The following CYP26B1 variants were observed in gnomAD, a reference collection of about 807,000 sequenced individuals.
CYP26B1 encodes cytochrome P450 26B1.
A neutral mutation model predicts 39.1 loss-of-function variants in CYP26B1; 8 were observed. The observed-to-expected ratio is 0.20, with a 90% CI of 0.12 to 0.37. CYP26B1 has a LOEUF of 0.37. CYP26B1 is among the 10% of genes least tolerant of loss of function. CYP26B1 has a pLI of 1.00. For missense variants in CYP26B1, 615 were observed against 707.0 expected, an observed-to-expected ratio of 0.87 and a Z score of 1.48; for synonymous variants, 321 against 314.3, an observed-to-expected ratio of 1.02 and a Z score of -0.23.
In CYP26B1 at chr2:72,147,353, C is replaced by T. The variant is rs1677150197; in HGVS notation, c.204+278G>A. On this transcript the variant is annotated intron_variant, in intron 1 of 5. Coordinates refer to ENST00000001146, the MANE Select transcript of CYP26B1 (RefSeq NM_019885.4). This position sits in a 1 kb window ranked among gnomAD's most constrained non-coding sequence, Gnocchi z 6.1. Reference sequence around the variant, plus strand: ...GGGGCGCTCCACGCCCCCTGCCAGGCCAGCCGCGACCCAGGCAAGTCCATC... The same window carrying T: ...GGGGCGCTCCACGCCCCCTGCCAGGTCAGCCGCGACCCAGGCAAGTCCATC... 1.3e-5 allele frequency among the ~76,000 whole-genome samples: 2 copies of T among 152,220 alleles called. No homozygotes were observed. The highest frequency in any genetic ancestry group is 2.9e-5 in the Non-Finnish European group (2 of 68,022).
In CYP26B1 at chr2:72,147,198, A is replaced by G. The variant is rs903311892; in HGVS notation, c.204+433T>C. Among the ~76,000 whole-genome samples, 2 of 151,836 alleles carry G rather than the reference A, an allele frequency of 1.3e-5. No homozygotes were observed. The highest frequency in any genetic ancestry group is 2.9e-5 in the Non-Finnish European group (2 of 67,942). On this transcript the variant is annotated intron_variant, in intron 1 of 5. Transcript: ENST00000001146. This position sits in a 1 kb window ranked among gnomAD's most constrained non-coding sequence, Gnocchi z 6.1. ...ACCAGCCCCCTCCTCTCCCGACTCA[A>G]TTTTCGGCTCCCAGCGACACAGCCA...
At position 72,134,796 on chromosome 2, in the gene CYP26B1, C is replaced by T. The variant is rs761872556; in HGVS notation, c.826G>A (p.Glu276Lys). 9 of 1,614,156 alleles carry T rather than the reference C, an allele frequency of 5.6e-6. No individual in the cohort carries two copies. Among genetic ancestry groups the T allele is most frequent in the East Asian group, 4.5e-5 (2 of 44,880 alleles). ...TGCATGGTCATCTCCTTCCCGTGCT[C>T]CTTGCTGCTCTCAATGAGGAGGTCC... ...ALDLLIESSKEHGKEMTMQEL... is the reference protein window; with the variant it reads ...ALDLLIESSKKHGKEMTMQEL... Residue 276 changes from glutamate (E) to lysine (K), a missense_variant, in exon 4 of 6, where the codon GAG becomes AAG. Coordinates refer to ENST00000001146, the MANE Select transcript of CYP26B1 (RefSeq NM_019885.4).
chr2:72,139,629 G>A (rs535153813), intron 2 of CYP26B1, among the ~76,000 whole-genome samples: 1 of 152,256 alleles, frequency 6.6e-6, no homozygotes, highest in Non-Finnish European at 1.5e-5. Context: ...AGGTGGGCAA[G>A]ACAGGGAGGG....
intron 2 of CYP26B1, among the ~76,000 whole-genome samples, chr2:72,138,258 G>C (rs536629665): frequency 6.6e-6 from 1 of 152,184 alleles, no homozygotes; most frequent in Non-Finnish European, 1.5e-5. Context: ...CTGTGCCCGG[G>C]GGGTAACAAC....
rs796787049 is a variant in CYP26B1, at chr2:72,144,197, G to A, written c.221C>T (p.Ser74Leu). The A allele has an allele frequency of 8.8e-6, 14 of 1,595,030 alleles. No homozygotes were observed. The highest frequency in any genetic ancestry group is 6.7e-5 in the African/African-American group (5 of 74,768). ...GTTGCCATACTTCTCCCTCCGCGAC[G>A]ACTGGAAGCCAGAACCCTGCGGGAG... ...HWLLQGSGFQSSRREKYGNVF... is the reference protein window; with the variant it reads ...HWLLQGSGFQLSRREKYGNVF... Residue 74 changes from serine to leucine, a missense_variant, in exon 2 of 6, where the codon TCG becomes TTG. Ser to Leu is a moderately radical substitution (Grantham distance 145, BLOSUM62 -2). Transcript: ENST00000001146.
rs1312882767 is a variant in CYP26B1, at chr2:72,129,548, A to G, written c.*2679T>C. 1 of 152,566 alleles carries G rather than the reference A, an allele frequency of 6.6e-6. No individual in the cohort carries two copies. The highest frequency in any genetic ancestry group is 1.5e-5 in the Non-Finnish European group (1 of 68,044). 9.5% of individuals were successfully genotyped at this position (152,566 alleles called of 1,614,324 possible). On this transcript the variant is annotated 3_prime_UTR_variant, in exon 6 of 6. Coordinates refer to ENST00000001146, the MANE Select transcript of CYP26B1 (RefSeq NM_019885.4). ...AGCAAAAACTTTATACTAAATATCT[A>G]TTTTGAATTATAACAAAAATAGTAC...
rs117989515 is a variant in CYP26B1 at position 72,138,200 on chromosome 2, T to C, written c.430-2781A>G. On this transcript the variant is annotated intron_variant, in intron 2 of 5. Coordinates refer to ENST00000001146, the MANE Select transcript of CYP26B1 (RefSeq NM_019885.4). ...CTCTTGCCCAGCTGCTCCACAGACA[T>C]AGGGGCCTCCCAGGCCCTGGGAAGC... Among the ~76,000 whole-genome samples the C allele has an allele frequency of 2.1e-4, 32 of 152,048 alleles. No individual in the cohort carries two copies. The East Asian group carries it at 5.7e-3, about 27-fold the overall frequency.
chr2:72,131,968 C>T lies in CYP26B1; in HGVS notation c.*259G>A. 1 of 566,096 alleles carries T rather than the reference C, an allele frequency of 1.8e-6. No homozygotes were observed. The highest frequency in any genetic ancestry group is 3.2e-6 in the Non-Finnish European group (1 of 315,148). 35.1% of individuals were successfully genotyped at this position (566,096 alleles called of 1,614,324 possible). A position where few individuals can be genotyped will look rare whatever the true frequency, so the allele number is the denominator to read the frequency against. ...TAACACTGTCACGGGCATGCAGAGC[C>T]CCTGCCACGCCCTTCCCAGGGGCTG... On this transcript the variant is annotated 3_prime_UTR_variant, in exon 6 of 6. Coordinates refer to ENST00000001146, the MANE Select transcript of CYP26B1 (RefSeq NM_019885.4).
chr2:72,135,384 C>G lies in CYP26B1; in HGVS notation c.465G>C (p.Glu155Asp), dbSNP rs752223643. 8 of 1,613,164 alleles carry G rather than the reference C, an allele frequency of 5.0e-6. No homozygotes were observed. The Admixed American group carries it at 5.0e-5, about 10-fold the overall frequency. The change falls in exon 3 of 6, where the codon GAG (glutamate) becomes GAC (aspartate). Residue 155 changes from glutamate to aspartate, a missense_variant. Transcript: ENST00000001146. ...CCAGCTGGATCTTGGGCAGGTAACT[C>G]TCCAGGGCCTCGTGGCTGAAGATCT... is the stretch of plus-strand genomic sequence containing the variant. ...FSKIFSHEAL[E>D]SYLPKIQLVI...
At chr2:72,137,419 A>C (rs977350057) in intron 2 of CYP26B1, among the ~76,000 whole-genome samples, 3 of 152,166 alleles carry the variant, frequency 2.0e-5, no homozygotes, top group Admixed American at 6.5e-5. Flanking sequence ...AAACACCAGC[A>C]CCCACCTGCC....
chr2:72,143,602 T>C (rs990000666), intron 2 of CYP26B1, among the ~76,000 whole-genome samples: 12 of 152,226 alleles, frequency 7.9e-5, no homozygotes, highest in African/African-American at 2.9e-4. Context: ...GATTTTAGAA[T>C]GATCGGTCTC....
chr2:72,147,802 C>T lies in CYP26B1; in HGVS notation c.33G>A (p.Ala11=). MLFEGLDLVS[A]LATLAACLVS... ...CCAGGCACGCGGCGAGGGTGGCCAG[C>T]GCCGACACCAGATCCAAGCCCTCAA... Residue 11 remains alanine, a synonymous_variant, in exon 1 of 6, where the codon GCG becomes GCA. Transcript: ENST00000001146. This position sits in a 1 kb window ranked among gnomAD's most constrained non-coding sequence, Gnocchi z 6.1. The T allele has an allele frequency of 6.4e-7, 1 of 1,552,194 alleles. No homozygotes were observed. The highest frequency in any genetic ancestry group is 8.7e-7 in the Non-Finnish European group (1 of 1,149,164).
intron 2 of CYP26B1, among the ~76,000 whole-genome samples, chr2:72,137,201 G>A (rs1054182784): frequency 1.7e-4 from 26 of 152,126 alleles, no homozygotes; most frequent in African/African-American, 4.3e-4. Flanking sequence ...TGGAGGCCAC[G>A]CCCACCAGGC....
chr2:72,133,331 T>G, intron 4 of CYP26B1, 24 bp from the exon 5 acceptor site: 1 of 1,594,092 alleles, frequency 6.3e-7, no homozygotes. Flanking sequence ...AGGAGAGGTG[T>G]TGTTGGAGGT....
rs753682172 is a variant in CYP26B1, at chr2:72,135,317, C to T, written c.532G>A (p.Ala178Thr). The T allele has an allele frequency of 3.1e-6, 5 of 1,614,064 alleles. No individual in the cohort carries two copies. Among genetic ancestry groups the T allele is most frequent in the Non-Finnish European group, 4.2e-6 (5 of 1,180,038 alleles). Reference protein sequence around the residue: ...TLRAWSSHPEAINVYQEAQKL... With the variant: ...TLRAWSSHPETINVYQEAQKL... ...TGCGCCTCCTGGTACACGTTGATGGCCTCGGGGTGGCTGCTCCAGGCGCGC... is the reference window on the plus strand; with the variant it reads ...TGCGCCTCCTGGTACACGTTGATGGTCTCGGGGTGGCTGCTCCAGGCGCGC... Residue 178 changes from alanine to threonine, a missense_variant, in exon 3 of 6, where the codon GCC (alanine) becomes ACC (threonine). By Grantham distance (58) the Ala-to-Thr change is moderately conservative. Transcript: ENST00000001146.
At chr2:72,144,526 A>G (rs1427368926) in intron 1 of CYP26B1, 1 of 678,816 alleles carries the variant, frequency 1.5e-6, no homozygotes, top group Non-Finnish European at 1.9e-6. Flanking sequence ...CTCCGCCCCC[A>G]CCCCCACCCC....
intron 2 of CYP26B1, 86 bp downstream of exon 2, chr2:72,143,903 G>T (rs1677034000): frequency 6.7e-7 from 1 of 1,487,186 alleles, no homozygotes; most frequent in Non-Finnish European, 9.3e-7. Flanking sequence ...GCACAGATTC[G>T]GTAGGGGACA....
At position 72,133,075 on chromosome 2, in the gene CYP26B1, A is replaced by C. The variant is rs1304178112; in HGVS notation, c.1094T>G (p.Phe365Cys). Residue 365 changes from phenylalanine (F) to cysteine (C), a missense_variant, in exon 5 of 6, where the codon TTC (phenylalanine) becomes TGC (cysteine). Transcript: ENST00000001146. ...GCGGTAGCCGCCGGAAATGGGCGTG[A>C]ACAGGCGCATGACCTCCTTGATGAC... The part of the protein sequence containing the change: ...DCVIKEVMRL[F>C]TPISGGYRTV... 5.0e-6 allele frequency: 8 copies of C among 1,613,142 alleles called. No homozygotes were observed. In the East Asian group the frequency reaches 1.8e-4, roughly 36 times the overall value.
chr2:72,143,592 G>C (rs887809202), intron 2 of CYP26B1, among the ~76,000 whole-genome samples: 1 of 152,252 alleles, frequency 6.6e-6, no homozygotes, highest in African/African-American at 2.4e-5. Context: ...GGACAGCTTT[G>C]ATTTTAGAAT....
Sources: gnomAD v4.1 joint callset for allele counts (sites outside exome capture counted in the v4.1 genomes callset) on GRCh38, gnomAD v4.1.1 for gene constraint, Gnocchi (gnomAD v3.1) non-coding constraint, MANE v1.5 for transcripts, NCBI Gene and HGNC (gene_info 2026-07-23, HGNC 2026-07-21) for gene names.